The following ASL variants were observed in gnomAD, a reference collection of about 807,000 sequenced individuals.
ASL encodes the protein argininosuccinase.
In ASL, 51 loss-of-function variants were observed where a neutral mutation model predicts 69.1. The observed-to-expected ratio is 0.74, with a 90% CI of 0.59 to 0.93. The LOEUF is 0.93. Among genes scored for constraint, ASL ranks in the 40% least tolerant of loss-of-function variants. The probability of loss-of-function intolerance (pLI) is 0.00; values close to 1 mark genes in which losing one functional copy is unlikely to be tolerated. For missense variants in ASL, 540 were observed against 623.9 expected (o/e 0.87, Z 1.43); for synonymous variants, 241 against 247.6 (o/e 0.97, Z 0.25).
rs756876333 is a variant in ASL, at chr7:66,089,683, C to T, written c.1050C>T (p.Ile350=). 1 of 1,613,530 alleles carries T rather than the reference C, an allele frequency of 6.2e-7. No homozygotes were observed. The highest frequency in any genetic ancestry group is 8.5e-7 in the Non-Finnish European group (1 of 1,179,764). ...SAVLQVATGV[I]STLQIHQENM... ...TGCTCCAGGTGGCCACTGGCGTCAT[C>T]TCTACGCTGCAGGCAAGACATCACC... The change falls in exon 14 of 17, where the codon ATC becomes ATT. Residue 350 remains isoleucine, a synonymous_variant. Transcript: ENST00000304874.
At chr7:66,079,081 T>A (rs1331865447) in intron 2 of ASL, among the ~76,000 whole-genome samples, 2 of 151,964 alleles carry the variant, frequency 1.3e-5, no homozygotes, top group Non-Finnish European at 2.9e-5. Flanking sequence ...CCTGGCTAAT[T>A]TTTTTGTGTG....
At chr7:66,089,466 T>A in intron 13 of ASL, 131 bp downstream of exon 13, 1 of 1,437,624 alleles carries the variant, frequency 7.0e-7, no homozygotes, top group Non-Finnish European at 9.6e-7. Flanking sequence ...GTGGCTGCCC[T>A]TGAACTCTCT....
At chr7:66,089,540 G>T (rs1217630401) in intron 13 of ASL, 72 bp from the exon 14 acceptor site, 3 of 1,549,316 alleles carry the variant, frequency 1.9e-6, no homozygotes, top group Non-Finnish European at 2.7e-6. Context: ...GCCTCAGTGG[G>T]GGGGTGGGGC....
rs768722904 is a variant in ASL at position 66,089,090 on chromosome 7, G to T, written c.834-1G>T. The T allele has an allele frequency of 1.9e-6, 3 of 1,613,862 alleles. No homozygotes were observed. Among genetic ancestry groups the T allele is most frequent in the Non-Finnish European group, 2.5e-6 (3 of 1,179,954 alleles). On this transcript the variant is annotated splice_acceptor_variant, in intron 11 of 16. Coordinates refer to ENST00000304874, the MANE Select transcript of ASL (RefSeq NM_000048.4). LOFTEE classifies it high-confidence loss of function. ...TTCAGCGCCAGCACCTCTGTCCCCA[G>T]CACGGGAAGCAGCCTGATGCCCCAG...
At chr7:66,083,015 G>A in intron 5 of ASL, 62 bp from the exon 6 acceptor site, 2 of 1,611,406 alleles carry the variant, frequency 1.2e-6, no homozygotes, top group Non-Finnish European at 1.7e-6. Flanking sequence ...TTCTGCAGCG[G>A]TCCTGGCTCC....
intron 14 of ASL, 57 bp from the exon 15 acceptor site, chr7:66,091,949 G>T (rs1167406): frequency 9.4e-6 from 15 of 1,594,618 alleles, no homozygotes; most frequent in Non-Finnish European, 1.1e-5. Context: ...TCCTGGGCCT[G>T]GCAGCTTCAG....
intron 11 of ASL, 64 bp downstream of exon 11, chr7:66,088,985 A>T: frequency 6.2e-7 from 1 of 1,606,932 alleles, no homozygotes; most frequent in East Asian, 2.2e-5. Flanking sequence ...CCGCCCGCGG[A>T]CGTGGCTGCC....
Position 66,092,541 on chromosome 7 carries a change from C to T in ASL, c.1144-16C>T. The stretch of plus-strand genomic sequence containing the variant: ...GAGAAACCTGCCTCAGCGCCATCTT[C>T]CTCCCTGGCACCCAGATGCCATTCC... On this transcript the variant is annotated splice_polypyrimidine_tract_variant and intron_variant, in intron 15 of 16. Transcript: ENST00000304874. 6.2e-7 allele frequency: 1 copy of T among 1,603,586 alleles called. No homozygotes were observed. Among genetic ancestry groups the T allele is most frequent in the African/African-American group, 1.3e-5 (1 of 74,966 alleles).
Position 66,086,782 on chromosome 7 carries a change from T to C in ASL, c.563T>C (p.Leu188Pro). Residue 188 changes from leucine (L) to proline (P), a missense_variant, in exon 8 of 17, where the codon CTG becomes CCG. By Grantham distance (98) the Leu-to-Pro change is moderately conservative. Transcript: ENST00000304874. ...CTGACCCGAGACTCTGAGCGGCTGC[T>C]GGAGGTGCGGAAGCGGATCAATGTC... Reference protein sequence around the residue: ...VALTRDSERLLEVRKRINVLP... With the variant: ...VALTRDSERLPEVRKRINVLP... 3.1e-6 allele frequency: 5 copies of C among 1,596,158 alleles called. No individual in the cohort carries two copies. Among genetic ancestry groups the C allele is most frequent in the Non-Finnish European group, 4.3e-6 (5 of 1,171,952 alleles).
chr7:66,087,242 TCGTG>T, intron 8 of ASL, 88 bp from the exon 9 acceptor site: 2 of 1,194,928 alleles, frequency 1.7e-6, no homozygotes, highest in South Asian at 1.3e-5. Context: ...GTGTGTGCGT[TCGTG>T]TGTGTGTGTG....
chr7:66,089,043 G>C, intron 11 of ASL, 48 bp from the exon 12 acceptor site: 1 of 1,612,828 alleles, frequency 6.2e-7, no homozygotes, highest in South Asian at 1.1e-5. Flanking sequence ...TGCGGCGCTG[G>C]ACCAGCCAAG....
intron 3 of ASL, 83 bp downstream of exon 3, chr7:66,082,080 G>C: frequency 6.7e-7 from 1 of 1,497,218 alleles, no homozygotes; most frequent in African/African-American, 1.4e-5. Context: ...AAACAGTGCA[G>C]TGTTGCCCAT....
At chr7:66,092,249 C>T (rs1476240028) in intron 15 of ASL, among the ~76,000 whole-genome samples, 163 bp downstream of exon 15, 3 of 151,804 alleles carry the variant, frequency 2.0e-5, no homozygotes, top group Non-Finnish European at 2.9e-5. Flanking sequence ...GCCAGGAGTT[C>T]GAGACCAGCC....
intron 3 of ASL, 127 bp from the exon 4 acceptor site, chr7:66,082,241 C>G: frequency 8.8e-7 from 1 of 1,133,588 alleles, no homozygotes; most frequent in East Asian, 2.6e-5. Context: ...TCCCAGGGTG[C>G]GCTTCCAGGA....
In ASL at chr7:66,081,931, G is replaced by A. The variant is rs569936169; in HGVS notation, c.141G>A (p.Arg47=). ...VDVQGSKAYS[R]GLEKAGLLTK... ...TTCAAGGCAGCAAAGCCTACAGCAG[G>A]GGCCTGGAGAAGGCAGGGCTCCTCA... is the stretch of plus-strand genomic sequence containing the variant. The change falls in exon 3 of 17, where the codon AGG becomes AGA. Residue 47 remains arginine, a synonymous_variant. Transcript: ENST00000304874. 4 of 1,613,798 alleles carry A rather than the reference G, an allele frequency of 2.5e-6. No homozygotes were observed. The East Asian group carries it at 6.7e-5, about 27-fold the overall frequency.
intron 10 of ASL, 38 bp from the exon 11 acceptor site, chr7:66,088,769 A>G: frequency 1.3e-6 from 2 of 1,561,072 alleles, no homozygotes; most frequent in Non-Finnish European, 1.8e-6. Flanking sequence ...CTGGGTGGGG[A>G]TGGGAGAGGC....
At chr7:66,085,475 A>C (rs1786633070) in intron 6 of ASL, among the ~76,000 whole-genome samples, 1 of 151,804 alleles carries the variant, frequency 6.6e-6, no homozygotes, top group African/African-American at 2.4e-5. Context: ...TCTTTCTCAA[A>C]AACAACAACA....
At chr7:66,078,237 A>C (rs998185729) in intron 2 of ASL, among the ~76,000 whole-genome samples, 1 of 152,152 alleles carries the variant, frequency 6.6e-6, no homozygotes, top group Non-Finnish European at 1.5e-5. Flanking sequence ...GGCTCCAGTG[A>C]TCAGGACCAG....
At chr7:66,092,483 G>T (rs1023189991) in intron 15 of ASL, 74 bp from the exon 16 acceptor site, 11 of 1,362,734 alleles carry the variant, frequency 8.1e-6, no homozygotes, top group South Asian at 1.2e-5. Context: ...AAAAAGGAAG[G>T]GGGTGCAGGC....
Sources: gnomAD v4.1 joint callset for allele counts (sites outside exome capture counted in the v4.1 genomes callset) on GRCh38, gnomAD v4.1.1 for gene constraint, MANE v1.5 for transcripts, NCBI Gene and HGNC (gene_info 2026-07-23, HGNC 2026-07-21) for gene names.